The following SPAG16 variants were observed in gnomAD, a reference collection of about 807,000 sequenced individuals.
The protein encoded by SPAG16 is sperm-associated antigen 16 protein.
SPAG16 carries 86 observed loss-of-function variants against 80.4 expected under a neutral mutation model. That is an observed-to-expected ratio of 1.07 (90% CI 0.90 to 1.28). The LOEUF (loss-of-function observed/expected upper bound fraction) is 1.28. Among genes scored for constraint, SPAG16 ranks in the 50% most tolerant of loss-of-function variants. The pLI is 0.00. For missense variants in SPAG16, 870 were observed against 765.3 expected (o/e 1.14, Z -1.61); for synonymous variants, 294 against 265.9 (o/e 1.11, Z -1.03).
intron 10 of SPAG16, among the ~76,000 whole-genome samples, chr2:213,814,253 G>A (rs1468630788): frequency 1.3e-5 from 2 of 152,094 alleles, no homozygotes; most frequent in Admixed American, 1.3e-4. Flanking sequence ...TGCTGCTTTG[G>A]GAAACCTCAG....
intron 9 of SPAG16, among the ~76,000 whole-genome samples, chr2:213,463,706 G>A (rs568661913): frequency 3.6e-4 from 55 of 152,374 alleles, no homozygotes; most frequent in African/African-American, 1.2e-3. Flanking sequence ...GGATGTCCAG[G>A]CAGAAGTTTG....
At chr2:213,300,970 TA>T (rs1240646233) in intron 3 of SPAG16, among the ~76,000 whole-genome samples, 1 of 152,134 alleles carries the variant, frequency 6.6e-6, no homozygotes, top group East Asian at 1.9e-4. Context: ...CTAGGATTAA[TA>T]AATATGTATT....
intron 11 of SPAG16, among the ~76,000 whole-genome samples, chr2:213,900,683 G>A (rs2077184708): frequency 6.6e-6 from 1 of 152,158 alleles, no homozygotes; most frequent in Middle Eastern, 3.4e-3. Flanking sequence ...TTCTCTTCCT[G>A]AATGCAAATT....
intron 5 of SPAG16, among the ~76,000 whole-genome samples, chr2:213,337,342 G>A (rs1309677730): frequency 6.6e-6 from 1 of 152,198 alleles, no homozygotes; most frequent in Non-Finnish European, 1.5e-5. Context: ...CATGTCTCCA[G>A]CAAAGGCACA....
rs541374597 is a variant in SPAG16 at position 214,385,082 on chromosome 2, A to G, written c.1721-25058A>G. Among the ~76,000 whole-genome samples the G allele has an allele frequency of 2.3e-3, 345 of 152,394 alleles. 2 individuals carry two copies. Among genetic ancestry groups the G allele is most frequent in the Non-Finnish European group, 3.9e-3 (266 of 68,036 alleles). On this transcript the variant is annotated intron_variant, in intron 15 of 15. Coordinates refer to ENST00000331683, the MANE Select transcript of SPAG16 (RefSeq NM_024532.5). The stretch of plus-strand genomic sequence containing the variant: ...TCCTGTCATAACACTAATAGTCATT[A>G]GATAGGAAGTGAGCATGATGTGCTA...
chr2:214,329,619 T>G (rs554646128), intron 15 of SPAG16, among the ~76,000 whole-genome samples: 1 of 152,294 alleles, frequency 6.6e-6, no homozygotes, highest in South Asian at 2.1e-4. Context: ...TTTGAACTGC[T>G]GGGCATGGAA....
chr2:213,833,556 TAA>T (rs1559506511), intron 10 of SPAG16, among the ~76,000 whole-genome samples: 805 of 5,768 alleles, frequency 0.14, 300 homozygotes, highest in East Asian at 0.38. Context: ...ATAATATATA[TAA>T]TATATATAAT....
chr2:213,951,918 T>A (rs1360868837), intron 12 of SPAG16, among the ~76,000 whole-genome samples: 1 of 152,136 alleles, frequency 6.6e-6, no homozygotes, highest in Non-Finnish European at 1.5e-5. Context: ...AAGGAAGGAT[T>A]TTAACTGATG....
intron 15 of SPAG16, among the ~76,000 whole-genome samples, chr2:214,332,873 G>A (rs888383034): frequency 3.9e-5 from 6 of 152,040 alleles, no homozygotes; most frequent in African/African-American, 7.2e-5. Context: ...CACTAGATAC[G>A]TCCATGGCCA....
chr2:213,702,020 G>T (rs1213486183), intron 10 of SPAG16, among the ~76,000 whole-genome samples: 1 of 152,098 alleles, frequency 6.6e-6, no homozygotes, highest in Admixed American at 6.5e-5. Context: ...CTGAAGGTTT[G>T]TAAACTCACT....
chr2:213,706,263 T>A (rs2065748543), intron 10 of SPAG16, among the ~76,000 whole-genome samples: 1 of 152,220 alleles, frequency 6.6e-6, no homozygotes, highest in Non-Finnish European at 1.5e-5. Context: ...AGAAAAGTGC[T>A]GGACTCTATC....
chr2:214,011,329 A>G lies in SPAG16; in HGVS notation c.1401-2622A>G, dbSNP rs541057019. ...TTTGTACATAAAACAGTAATTTTTT[A>G]AAAGAAAATAACTTATTCTGTAAGT... is the stretch of plus-strand genomic sequence containing the variant. On this transcript the variant is annotated intron_variant, in intron 12 of 15. Transcript: ENST00000331683. Among the ~76,000 whole-genome samples, 202 of 146,616 alleles carry G rather than the reference A, an allele frequency of 1.4e-3. 41 individuals carry two copies. The highest frequency in any genetic ancestry group is 5.3e-3 in the African/African-American group (197 of 37,508).
intron 15 of SPAG16, among the ~76,000 whole-genome samples, chr2:214,318,354 A>G (rs916752739): frequency 1.3e-5 from 2 of 151,524 alleles, no homozygotes; most frequent in African/African-American, 4.9e-5. Flanking sequence ...GTACTTGAAT[A>G]AAAGAGTGAG....
chr2:213,948,629 T>C (rs1387712213), intron 12 of SPAG16, among the ~76,000 whole-genome samples: 1 of 152,190 alleles, frequency 6.6e-6, no homozygotes, highest in East Asian at 1.9e-4. Flanking sequence ...ACATTTCTGC[T>C]CTAGCTCTCT....
At chr2:213,680,232 A>G (rs1188264561) in intron 10 of SPAG16, among the ~76,000 whole-genome samples, 3 of 152,128 alleles carry the variant, frequency 2.0e-5, no homozygotes, top group Non-Finnish European at 4.4e-5. Flanking sequence ...GGTATCAGCA[A>G]GAACTCCACC....
At chr2:213,359,469 G>T (rs2065855674) in intron 7 of SPAG16, among the ~76,000 whole-genome samples, 2 of 152,148 alleles carry the variant, frequency 1.3e-5, no homozygotes, top group Admixed American at 6.5e-5. Flanking sequence ...ACCTACTGAA[G>T]CCTCAGCAAT....
chr2:214,188,145 A>G (rs542832796), intron 15 of SPAG16, among the ~76,000 whole-genome samples: 7 of 152,234 alleles, frequency 4.6e-5, no homozygotes, highest in Admixed American at 1.3e-4. Context: ...ATGTAGCTCA[A>G]TCTCTCACTT....
rs1033847153 is a variant in SPAG16, at chr2:213,932,603, G to A, written c.1400+2458G>A. ...AATACATTCTTCTCTTTTCACACCC[G>A]TCCTTTCCTTCAAGCTTCTGGCTCA... On this transcript the variant is annotated intron_variant, in intron 12 of 15. Transcript: ENST00000331683. Among the ~76,000 whole-genome samples the A allele has an allele frequency of 2.8e-4, 43 of 152,046 alleles. 1 individual carries two copies. The highest frequency in any genetic ancestry group is 3.9e-4 in the East Asian group (2 of 5,178).
At chr2:214,254,427 A>G (rs1690530959) in intron 15 of SPAG16, among the ~76,000 whole-genome samples, 2 of 152,140 alleles carry the variant, frequency 1.3e-5, no homozygotes, top group African/African-American at 2.4e-5. Context: ...TGGGTTTGTC[A>G]TACATAGCTC....
Sources: gnomAD v4.1 joint callset for allele counts (sites outside exome capture counted in the v4.1 genomes callset) on GRCh38, gnomAD v4.1.1 for gene constraint, MANE v1.5 for transcripts, NCBI Gene and HGNC (gene_info 2026-07-23, HGNC 2026-07-21) for gene names.